Variants in EPM2A observed in about 807,000 individuals in gnomAD.
The protein encoded by EPM2A is laforin.
In EPM2A, 21 loss-of-function variants were observed where a neutral mutation model predicts 26.5. That is an observed-to-expected ratio of 0.79 (90% CI 0.56 to 1.14). The LOEUF is 1.14. EPM2A is among the 50% of genes most tolerant of loss of function. The pLI, the probability that EPM2A is intolerant of heterozygous loss-of-function variation, is 0.00. For missense variants in EPM2A, 458 were observed against 440.8 expected, an observed-to-expected ratio of 1.04 and a Z score of -0.35; for synonymous variants, 217 against 177.6, an observed-to-expected ratio of 1.22 and a Z score of -1.76.
At chr6:145,633,322 C>T (rs1776406666) in intron 3 of EPM2A, among the ~76,000 whole-genome samples, 2 of 152,236 alleles carry the variant, frequency 1.3e-5, no homozygotes, top group South Asian at 4.1e-4. Flanking sequence ...CAAATCCTAA[C>T]TATCTTCTCT....
intron 2 of EPM2A, among the ~76,000 whole-genome samples, chr6:145,656,076 G>A (rs1284495028): frequency 2.0e-5 from 3 of 152,200 alleles, no homozygotes; most frequent in African/African-American, 7.2e-5. Context: ...GAGTACAGAA[G>A]TTATATCTTT....
At chr6:145,450,350 C>CAAA (rs368618860) in intron 4 of EPM2A, among the ~76,000 whole-genome samples, 61 of 62,338 alleles carry the variant, frequency 9.8e-4, no homozygotes, top group East Asian at 1.4e-3. Context: ...GACTCCGTCT[C>CAAA]AAAAAAAAAA....
At chr6:145,497,911 G>T (rs930844354), downstream of EPM2A, among the ~76,000 whole-genome samples, 6 of 152,244 alleles carry the variant, frequency 3.9e-5, no homozygotes, top group African/African-American at 1.4e-4. Flanking sequence ...GAACAGCAAA[G>T]ATAGTGGCCC....
intron 1 of EPM2A, among the ~76,000 whole-genome samples, chr6:145,732,627 C>T (rs1220111497): frequency 6.6e-6 from 1 of 152,068 alleles, no homozygotes; most frequent in East Asian, 1.9e-4. Context: ...TGTAGAAGAA[C>T]ATTACAGTCC....
At chr6:145,605,425 C>T (rs1045170851) in intron 2 of EPM2A, among the ~76,000 whole-genome samples, 2 of 152,098 alleles carry the variant, frequency 1.3e-5, no homozygotes, top group African/African-American at 4.8e-5. Flanking sequence ...GTACCTGATG[C>T]TATAACACAA....
chr6:145,716,296 T>G (rs1168963769), intron 1 of EPM2A, among the ~76,000 whole-genome samples: 3 of 152,200 alleles, frequency 2.0e-5, no homozygotes, highest in Non-Finnish European at 4.4e-5. Flanking sequence ...CTATGGTATG[T>G]GAATTACATC....
At chr6:145,692,940 T>C (rs376054821) in intron 1 of EPM2A, among the ~76,000 whole-genome samples, 11 of 152,096 alleles carry the variant, frequency 7.2e-5, no homozygotes, top group African/African-American at 2.2e-4. Flanking sequence ...TTTTTTCTAA[T>C]TCTGTGAAGA....
chr6:145,634,236 G>A (rs1290298321), intron 3 of EPM2A, among the ~76,000 whole-genome samples: 1 of 152,032 alleles, frequency 6.6e-6, no homozygotes, highest in Non-Finnish European at 1.5e-5. Context: ...TCTCTCCTCT[G>A]CCGACTGTAG....
rs978245762 is a variant in EPM2A at position 145,704,924 on chromosome 6, CTT to C, written c.302-18630_302-18629del. On this transcript the variant is annotated intron_variant, in intron 1 of 3. Coordinates refer to ENST00000367519, the MANE Select transcript of EPM2A (RefSeq NM_005670.4). ...TTTCCTCAAATGTCTTTTAGAAAAA[CTT>C]ATGCTTTAAGACAGCGTTGCATCTT... is the stretch of plus-strand genomic sequence containing the variant. 4.9e-4 allele frequency among the ~76,000 whole-genome samples: 75 copies of C among 152,236 alleles called. 1 individual carries two copies. The highest frequency in any genetic ancestry group is 1.7e-3 in the African/African-American group (71 of 41,532).
At chr6:145,681,937 C>G (rs1163595470) in intron 2 of EPM2A, among the ~76,000 whole-genome samples, 1 of 152,112 alleles carries the variant, frequency 6.6e-6, no homozygotes, top group Non-Finnish European at 1.5e-5. Context: ...TAAAGTACCT[C>G]TTTTTACTCT....
chr6:145,693,054 A>G (rs7758839), intron 1 of EPM2A, among the ~76,000 whole-genome samples: 10,136 of 151,800 alleles, frequency 0.067, 1,133 homozygotes, highest in African/African-American at 0.23. Context: ...AGCATAGAAT[A>G]TTTTTCTATG....
chr6:145,460,401 T>C (rs1440705467), intron 4 of EPM2A, among the ~76,000 whole-genome samples: 1 of 152,166 alleles, frequency 6.6e-6, no homozygotes, highest in Non-Finnish European at 1.5e-5. Flanking sequence ...AACTATAAAC[T>C]AAGAAGAAGA....
chr6:145,483,613 T>C lies in EPM2A; in HGVS notation c.555+18909A>G, dbSNP rs150249793. On this transcript the variant is annotated intron_variant, in intron 4 of 4. Coordinates refer to the EPM2A transcript ENST00000638717. ...CATCCAGAGATAAAATGTGTTGCTA[T>C]GCTTTAGGGTGACTTTGAATCAGAA... Among the ~76,000 whole-genome samples the C allele has an allele frequency of 2.5e-3, 386 of 152,262 alleles. 5 individuals carry two copies. Among genetic ancestry groups the C allele is most frequent in the African/African-American group, 8.9e-3 (368 of 41,572 alleles).
Position 145,510,739 on chromosome 6 carries a change from G to A in EPM2A, c.341-8164C>T, listed in dbSNP as rs1780043763. ...ACCAAAAAGACTAAACACAAAGCTA[G>A]CAGAACAGAAACAACTAAAATTAGA... On this transcript the variant is annotated intron_variant, in intron 2 of 3. Coordinates refer to the EPM2A transcript ENST00000450221. Among the ~76,000 whole-genome samples, 3 of 152,158 alleles carry A rather than the reference G, an allele frequency of 2.0e-5. 1 individual carries two copies. In the South Asian group the frequency reaches 6.2e-4, roughly 32 times the overall value.
chr6:145,537,961 C>T (rs7755586), intron 2 of EPM2A, among the ~76,000 whole-genome samples: 54,244 of 152,012 alleles, frequency 0.36, 10,179 homozygotes, highest in South Asian at 0.51. Context: ...CATAGTATTC[C>T]ATGGTATATA....
intron 2 of EPM2A, among the ~76,000 whole-genome samples, chr6:145,602,662 T>C (rs1304746904): frequency 6.6e-6 from 1 of 152,180 alleles, no homozygotes; most frequent in Non-Finnish European, 1.5e-5. Context: ...CCAGAGTGCC[T>C]CAAAACTACA....
At chr6:145,526,069 A>G (rs909148400) in intron 2 of EPM2A, among the ~76,000 whole-genome samples, 2 of 151,872 alleles carry the variant, frequency 1.3e-5, no homozygotes, top group Admixed American at 1.3e-4. Context: ...TTTTGTTTTC[A>G]ATTCTGTTTA....
intron 2 of EPM2A, among the ~76,000 whole-genome samples, chr6:145,563,273 T>TA (rs145866923): frequency 2.5e-4 from 37 of 150,386 alleles, no homozygotes; most frequent in South Asian, 4.2e-4. Flanking sequence ...TGGTTAAACA[T>TA]AAAAAAAAAT....
intron 1 of EPM2A, among the ~76,000 whole-genome samples, chr6:145,715,208 C>T (rs540991075): frequency 6.6e-6 from 1 of 152,256 alleles, no homozygotes; most frequent in East Asian, 1.9e-4. Context: ...AGTTCAGGAT[C>T]AAGGGTGGCC....
Sources: gnomAD v4.1 joint callset for allele counts (sites outside exome capture counted in the v4.1 genomes callset) on GRCh38, gnomAD v4.1.1 for gene constraint, MANE v1.5 for transcripts, NCBI Gene and HGNC (gene_info 2026-07-23, HGNC 2026-07-21) for gene names.